Variants in CLN8 observed in about 807,000 individuals in gnomAD.
The protein encoded by CLN8 is CLN8 transmembrane ER and ERGIC protein.
Under a neutral mutation model 15.7 loss-of-function variants are expected in CLN8, and 14 were observed. The ratio of observed to expected loss-of-function variants is 0.89; its 90% CI spans 0.59 to 1.39. The LOEUF (loss-of-function observed/expected upper bound fraction) is 1.39, where lower values mean the gene tolerates loss of function less well. Among genes scored for constraint, CLN8 ranks in the 40% most tolerant of loss-of-function variants. CLN8 has a pLI of 0.00. For missense variants in CLN8, 415 were observed against 364.0 expected (o/e 1.14, Z -1.14); for synonymous variants, 188 against 151.0 (o/e 1.25, Z -1.80).
chr8:1,771,008 C>G lies in CLN8; in HGVS notation c.-47C>G. ...CCTTAGACAAGACACAGTGTAGGGC[C>G]CGGCCCGTGTTGGCCCCAGGACTCC... On this transcript the variant is annotated 5_prime_UTR_variant, in exon 2 of 3. Transcript: ENST00000331222. The G allele has an allele frequency of 1.3e-6, 2 of 1,591,630 alleles. No homozygotes were observed. The highest frequency in any genetic ancestry group is 1.7e-6 in the Non-Finnish European group (2 of 1,161,528).
upstream of CLN8, among the ~76,000 whole-genome samples, chr8:1,753,713 G>A (rs1302193539): frequency 1.3e-5 from 2 of 150,896 alleles, no homozygotes; most frequent in East Asian, 2.0e-4. Context: ...GTGAAACCCC[G>A]TCTCTACTAA....
Position 1,780,931 on chromosome 8 carries a change from G to C in CLN8, c.*364G>C, listed in dbSNP as rs1331373053. 1 of 337,442 alleles carries C rather than the reference G, an allele frequency of 3.0e-6. No individual in the cohort carries two copies. The highest frequency in any genetic ancestry group is 4.3e-5 in the South Asian group (1 of 23,148). The allele number at this position is 337,442 out of a possible 1,614,324, so 20.9% of individuals were successfully genotyped here. ...TGCCTCCCACAGGGCGGGTGGGTCAGCGTTGACTCTTTCCAGCTGCACACT... is the reference window on the plus strand; with the variant it reads ...TGCCTCCCACAGGGCGGGTGGGTCACCGTTGACTCTTTCCAGCTGCACACT... On this transcript the variant is annotated 3_prime_UTR_variant, in exon 3 of 3. Coordinates refer to ENST00000331222, the MANE Select transcript of CLN8 (RefSeq NM_018941.4).
At chr8:1,765,530 T>C (rs566301206) in intron 1 of CLN8, among the ~76,000 whole-genome samples, 1 of 152,232 alleles carries the variant, frequency 6.6e-6, no homozygotes, top group Non-Finnish European at 1.5e-5. Flanking sequence ...CATCAATGTA[T>C]AATTTTCAAA....
chr8:1,759,651 CTT>C (rs1800746952), upstream of CLN8: 3 of 152,228 alleles, frequency 2.0e-5, no homozygotes, highest in African/African-American at 7.2e-5. Context: ...CAGGTAGAGT[CTT>C]TGCCACATTG....
At chr8:1,768,134 G>T (rs1264794594) in intron 1 of CLN8, among the ~76,000 whole-genome samples, 1 of 151,734 alleles carries the variant, frequency 6.6e-6, no homozygotes, top group African/African-American at 2.4e-5. Flanking sequence ...AGTAGAGGCA[G>T]GGTTTTGCCG....
At chr8:1,775,996 G>A (rs1801497250) in intron 2 of CLN8, among the ~76,000 whole-genome samples, 1 of 152,198 alleles carries the variant, frequency 6.6e-6, no homozygotes, top group Non-Finnish European at 1.5e-5. Context: ...GAATCTGTGA[G>A]GGGCACACGT....
chr8:1,763,391 CG>C (rs576080371), upstream of CLN8: 1,528 of 80,154 alleles, frequency 0.019, 206 homozygotes, highest in Middle Eastern at 0.058. Flanking sequence ...CAGCGCCCGC[CG>C]CGCCGCGCCC....
Position 1,783,163 on chromosome 8 carries a change from A to C in CLN8, c.*2596A>C, listed in dbSNP as rs1801749422. 6.6e-6 allele frequency: 1 copy of C among 152,388 alleles called. No individual in the cohort carries two copies. The highest frequency in any genetic ancestry group is 1.9e-4 in the East Asian group (1 of 5,176). The allele number at this position is 152,388 out of a possible 1,614,324, so 9.4% of individuals were successfully genotyped here. On this transcript the variant is annotated 3_prime_UTR_variant, in exon 3 of 3. Transcript: ENST00000331222. ...GGATGTAGCTATAGTGGAGCATGGT[A>C]CAAGCGACATTCATGAGCTCTGACT...
At chr8:1,753,886 C>T (rs1265918241), upstream of CLN8, among the ~76,000 whole-genome samples, 1 of 134,894 alleles carries the variant, frequency 7.4e-6, no homozygotes, top group South Asian at 2.3e-4. Context: ...ACCTCCATCT[C>T]AAAAAAAAAA....
In CLN8 at chr8:1,771,376, A is replaced by G; in HGVS notation, c.322A>G (p.Thr108Ala). 1 of 1,614,150 alleles carries G rather than the reference A, an allele frequency of 6.2e-7. No individual in the cohort carries two copies. Among genetic ancestry groups the G allele is most frequent in the Non-Finnish European group, 8.5e-7 (1 of 1,180,016 alleles). ...GCAGAACTGGTGCTGGTTTCACATCACGACAGCAACGGGATTCTTTTGCTT... is the reference window on the plus strand; with the variant it reads ...GCAGAACTGGTGCTGGTTTCACATCGCGACAGCAACGGGATTCTTTTGCTT... ...GQQNWCWFHI[T>A]TATGFFCFEN... is the part of the protein sequence containing the mutation. Residue 108 changes from threonine (T) to alanine (A), a missense_variant, in exon 2 of 3, where the codon ACG (threonine) becomes GCG (alanine). By Grantham distance (58) the Thr-to-Ala change is moderately conservative. Coordinates refer to ENST00000331222, the MANE Select transcript of CLN8 (RefSeq NM_018941.4).
rs1165471276 is a variant in CLN8 at position 1,786,334 on chromosome 8, G to A, written c.*5767G>A. On this transcript the variant is annotated 3_prime_UTR_variant, in exon 3 of 3. Coordinates refer to ENST00000331222, the MANE Select transcript of CLN8 (RefSeq NM_018941.4). ...ACCTCAGAGTAAATCAGAATAAACT[G>A]CACCCAGACTTTCACGAATGCATGT... is the stretch of plus-strand genomic sequence containing the variant. 3 of 152,212 alleles carry A rather than the reference G, an allele frequency of 2.0e-5. No homozygotes were observed. The highest frequency in any genetic ancestry group is 7.2e-5 in the African/African-American group (3 of 41,452). 9.4% of individuals were successfully genotyped at this position (152,212 alleles called of 1,614,324 possible). A position where few individuals can be genotyped will look rare whatever the true frequency, so the allele number is the denominator to read the frequency against.
intron 2 of CLN8, among the ~76,000 whole-genome samples, chr8:1,778,437 C>T (rs572532768): frequency 6.6e-6 from 1 of 152,334 alleles, no homozygotes; most frequent in Admixed American, 6.5e-5. Context: ...CTCCCCTGTC[C>T]CATTCAGTTT....
At chr8:1,767,553 G>C (rs547723504) in intron 1 of CLN8, among the ~76,000 whole-genome samples, 70 of 138,038 alleles carry the variant, frequency 5.1e-4, no homozygotes, top group South Asian at 3.9e-3. Context: ...CCGCTGCTCT[G>C]TATGTTTCTT....
At chr8:1,770,036 C>T (rs1202381243) in intron 1 of CLN8, among the ~76,000 whole-genome samples, 1 of 152,222 alleles carries the variant, frequency 6.6e-6, no homozygotes, top group Non-Finnish European at 1.5e-5. Context: ...CACTGGGATA[C>T]ACTTTGTTAC....
At chr8:1,767,009 G>A (rs766467353) in intron 1 of CLN8, among the ~76,000 whole-genome samples, 1 of 152,206 alleles carries the variant, frequency 6.6e-6, no homozygotes, top group Admixed American at 6.5e-5. Context: ...CTGATGCCAC[G>A]AAAGGACAGC....
chr8:1,753,866 AC>A (rs1454735831), upstream of CLN8, among the ~76,000 whole-genome samples: 1 of 151,954 alleles, frequency 6.6e-6, no homozygotes, highest in African/African-American at 2.4e-5. Flanking sequence ...AGCCTGAGTG[AC>A]AAGAGTGAAC....
chr8:1,775,645 G>T (rs1801482306), intron 2 of CLN8, among the ~76,000 whole-genome samples: 1 of 152,174 alleles, frequency 6.6e-6, no homozygotes, highest in Non-Finnish European at 1.5e-5. Flanking sequence ...AACTTTTTGT[G>T]AATTGTGAGG....
chr8:1,764,581 C>A, intron 1 of CLN8: 1 of 152,896 alleles, frequency 6.5e-6, no homozygotes, highest in Non-Finnish European at 1.5e-5. Context: ...TGCAGCTCAA[C>A]ATGGTGTGGG....
chr8:1,763,318 T>A (rs1397036031), upstream of CLN8: 1 of 110,272 alleles, frequency 9.1e-6, no homozygotes, highest in Non-Finnish European at 1.9e-5. Flanking sequence ...CCGCCCGCCA[T>A]GGTTCAGCCC....
Sources: allele counts gnomAD v4.1 joint callset (sites outside exome capture counted in the v4.1 genomes callset), GRCh38; gene constraint gnomAD v4.1.1; transcripts MANE v1.5; gene names NCBI Gene and HGNC (gene_info 2026-07-23, HGNC 2026-07-21).